TXNDC11: variants seen among roughly 807,000 people sequenced by gnomAD.
The protein encoded by TXNDC11 is thioredoxin domain-containing protein 11.
In TXNDC11, 68 loss-of-function variants were observed where a neutral mutation model predicts 78.0. The observed-to-expected ratio is 0.87, with a 90% CI of 0.72 to 1.07. The LOEUF is 1.07. Ranked by LOEUF, TXNDC11 falls within the 50% of genes least tolerant of loss-of-function variation. TXNDC11 has a pLI of 0.00. For synonymous variants in TXNDC11, 571 were observed against 495.2 expected (o/e 1.15, Z -2.03); for missense variants, 1,389 against 1,221.8 (o/e 1.14, Z -2.04).
At chr16:11,715,576 GAC>G (rs2051505621) in intron 5 of TXNDC11, among the ~76,000 whole-genome samples, 1 of 152,138 alleles carries the variant, frequency 6.6e-6, no homozygotes, top group Non-Finnish European at 1.5e-5. Context: ...GATCCAAAGT[GAC>G]ATTTAAAATC....
chr16:11,724,046 G>A (rs1358579447), intron 4 of TXNDC11, among the ~76,000 whole-genome samples: 1 of 152,154 alleles, frequency 6.6e-6, no homozygotes, highest in Non-Finnish European at 1.5e-5. Context: ...ACTCACGCCT[G>A]TAATCCCCTC....
Position 11,687,979 on chromosome 16 carries a change from G to A in TXNDC11, c.2044-13C>T. 1 of 1,577,632 alleles carries A rather than the reference G, an allele frequency of 6.3e-7. No individual in the cohort carries two copies. On this transcript the variant is annotated splice_polypyrimidine_tract_variant and intron_variant, in intron 9 of 11. Coordinates refer to ENST00000283033, the MANE Select transcript of TXNDC11 (RefSeq NM_015914.7). Reference sequence around the variant, plus strand: ...GCAGGAGAACGTCCTGTGGGAAAGGGAAGACAGATGTTACTTGCACCGGGA... The same window carrying A: ...GCAGGAGAACGTCCTGTGGGAAAGGAAAGACAGATGTTACTTGCACCGGGA...
intron 5 of TXNDC11, among the ~76,000 whole-genome samples, chr16:11,701,128 C>CT (rs397855467): frequency 0.026 from 2,655 of 101,656 alleles, 633 homozygotes; most frequent in Non-Finnish European, 0.032. Context: ...CCAATGTCCT[C>CT]TTTTTTTTTT....
At chr16:11,713,252 A>G (rs1344094660) in intron 5 of TXNDC11, among the ~76,000 whole-genome samples, 1 of 150,446 alleles carries the variant, frequency 6.6e-6, no homozygotes, top group East Asian at 1.9e-4. Context: ...TGTGCACTCC[A>G]GCCTGGGCAC....
chr16:11,712,554 C>T (rs184511259), intron 5 of TXNDC11, among the ~76,000 whole-genome samples: 32 of 152,296 alleles, frequency 2.1e-4, no homozygotes, highest in Non-Finnish European at 4.0e-4. Context: ...CATACCAGAT[C>T]CTCAAATGGT....
rs758941072 is a variant in TXNDC11, at chr16:11,691,309, T to C, written c.1881A>G (p.Ala627=). The C allele has an allele frequency of 5.6e-6, 9 of 1,613,716 alleles. No homozygotes were observed. The East Asian group carries it at 1.3e-4, about 24-fold the overall frequency. Residue 627 remains alanine (A), a synonymous_variant, in exon 8 of 12, where the codon GCA becomes GCG. Transcript: ENST00000283033. ...CAGTACCTAGGGTGAGCTTCATCAG[T>C]GCTTGCTTTGGATCCAAGATGTAAT... ...ESHYILDPKQ[A]LMKLTLESFI...
intron 5 of TXNDC11, among the ~76,000 whole-genome samples, chr16:11,701,740 T>C (rs1291295814): frequency 2.0e-5 from 3 of 152,088 alleles, no homozygotes; most frequent in Middle Eastern, 3.4e-3. Context: ...TTGCCAAGAA[T>C]TTAAGACAAA....
chr16:11,721,426 G>A (rs769863765), intron 5 of TXNDC11, 151 bp downstream of exon 5: 20 of 437,510 alleles, frequency 4.6e-5, no homozygotes, highest in Admixed American at 1.4e-4. Context: ...GCGGCAGGGC[G>A]AGACTCCATC....
At chr16:11,687,780 C>T (rs1597407455) in intron 10 of TXNDC11, 77 bp downstream of exon 10, 1 of 1,005,056 alleles carries the variant, frequency 9.9e-7, no homozygotes, top group Non-Finnish European at 1.5e-6. Flanking sequence ...CAGACCCTCA[C>T]ACACCATATG....
chr16:11,702,870 C>T (rs570920901), intron 5 of TXNDC11, among the ~76,000 whole-genome samples: 2 of 152,196 alleles, frequency 1.3e-5, no homozygotes, highest in South Asian at 2.1e-4. Flanking sequence ...AGGATGAGGT[C>T]GGAGTGAGTA....
At chr16:11,739,218 C>G (rs2052322234) in intron 1 of TXNDC11, among the ~76,000 whole-genome samples, 1 of 152,138 alleles carries the variant, frequency 6.6e-6, no homozygotes, top group African/African-American at 2.4e-5. Flanking sequence ...AAGAAACGCT[C>G]GCCTCTACTC....
rs750045658 is a variant in TXNDC11, at chr16:11,742,651, G to A, written c.80C>T (p.Pro27Leu). 1.6e-5 allele frequency: 24 copies of A among 1,461,520 alleles called. No homozygotes were observed. The highest frequency in any genetic ancestry group is 2.2e-5 in the Non-Finnish European group (24 of 1,112,626). 90.5% of individuals were successfully genotyped at this position (1,461,520 alleles called of 1,614,324 possible). A position where few individuals can be genotyped will look rare whatever the true frequency, so the allele number is the denominator to read the frequency against. The change falls in exon 1 of 12, where the codon CCC becomes CTC. Residue 27 changes from proline (P) to leucine (L), a missense_variant. Pro to Leu is a moderately conservative substitution (Grantham distance 98). Coordinates refer to ENST00000283033, the MANE Select transcript of TXNDC11 (RefSeq NM_015914.7). ...CGAGCTGAGGCAGTCTGAGCCCGCG[G>A]GGCCGCCGCCGCCCCCTCCCTCGTC... ...AEDEGGGGGG[P>L]AGSDCLSSSP...
chr16:11,698,848 A>G (rs1443225093), intron 6 of TXNDC11, among the ~76,000 whole-genome samples: 7 of 152,256 alleles, frequency 4.6e-5, no homozygotes, highest in African/African-American at 1.7e-4. Flanking sequence ...CCAGGCACAC[A>G]GCAGGAACTC....
intron 5 of TXNDC11, among the ~76,000 whole-genome samples, chr16:11,716,781 A>C (rs1429361001): frequency 6.6e-6 from 1 of 152,226 alleles, no homozygotes; most frequent in East Asian, 1.9e-4. Flanking sequence ...TCCACAAAAC[A>C]CAAGAACTAC....
chr16:11,688,676 A>C lies in TXNDC11; in HGVS notation c.1901-231T>G, dbSNP rs190819305. ...GGATAACAAAACACTATGCAATGTT[A>C]GATGCTCTAATATTCATAGACTATT... On this transcript the variant is annotated intron_variant, in intron 8 of 11. Transcript: ENST00000283033. 64 of 405,328 alleles carry C rather than the reference A, an allele frequency of 1.6e-4. 1 individual carries two copies. In the Middle Eastern group the frequency reaches 2.6e-3, roughly 17 times the overall value. 25.1% of individuals were successfully genotyped at this position (405,328 alleles called of 1,614,324 possible). A position where few individuals can be genotyped will look rare whatever the true frequency, so the allele number is the denominator to read the frequency against.
Position 11,679,083 on chromosome 16 carries a change from T to C in TXNDC11, c.*112A>G. ...AAATGCTGAATGACATTCAAGCTGA[T>C]TTTCTAGACCACTGAGAAAATCTTT... On this transcript the variant is annotated 3_prime_UTR_variant, in exon 12 of 12. Coordinates refer to ENST00000283033, the MANE Select transcript of TXNDC11 (RefSeq NM_015914.7). The surrounding 1 kb of genome is among the most constrained non-coding windows in gnomAD (Gnocchi z 4.6). 1.7e-6 allele frequency: 2 copies of C among 1,175,328 alleles called. No individual in the cohort carries two copies. The highest frequency in any genetic ancestry group is 2.9e-4 in the Middle Eastern group (1 of 3,392). The allele number at this position is 1,175,328 out of a possible 1,614,324, so 72.8% of individuals were successfully genotyped here.
chr16:11,695,285 CCACCATATGGT>C (rs1259280281), intron 7 of TXNDC11, among the ~76,000 whole-genome samples: 2 of 152,012 alleles, frequency 1.3e-5, no homozygotes, highest in Non-Finnish European at 2.9e-5. Context: ...CTTGGTGCGG[CCACCATATGGT>C]CACTCCTGAC....
At chr16:11,729,216 C>T (rs949606413) in intron 4 of TXNDC11, among the ~76,000 whole-genome samples, 3 of 152,174 alleles carry the variant, frequency 2.0e-5, no homozygotes, top group Non-Finnish European at 4.4e-5. Context: ...AAGTGAGTAA[C>T]CCGCCCCAAA....
chr16:11,687,706 G>A, intron 10 of TXNDC11, 151 bp downstream of exon 10: 2 of 579,296 alleles, frequency 3.5e-6, no homozygotes, highest in Non-Finnish European at 6.3e-6. Context: ...AAGAGGCTTT[G>A]CTCATGGCTT....
Sources: gnomAD v4.1 joint callset for allele counts (sites outside exome capture counted in the v4.1 genomes callset) on GRCh38, gnomAD v4.1.1 for gene constraint, Gnocchi (gnomAD v3.1) non-coding constraint, MANE v1.5 for transcripts, NCBI Gene and HGNC (gene_info 2026-07-23, HGNC 2026-07-21) for gene names.